Variants in LRP1 observed in about 807,000 individuals in gnomAD.
The protein encoded by LRP1 is LDL receptor related protein 1, also known as prolow-density lipoprotein receptor-related protein 1.
A neutral mutation model predicts 541.5 loss-of-function variants in LRP1; 51 were observed. That is an observed-to-expected ratio of 0.09 (90% CI 0.08 to 0.12). The LOEUF (loss-of-function observed/expected upper bound fraction) is 0.12. Among genes scored for constraint, LRP1 ranks in the 10% least tolerant of loss-of-function variants. The probability of loss-of-function intolerance (pLI) is 1.00; values close to 1 mark genes in which losing one functional copy is unlikely to be tolerated. For missense variants in LRP1, 3,878 were observed against 6,376.2 expected, an observed-to-expected ratio of 0.61 and a Z score of 13.34; for synonymous variants, 2,219 against 2,470.8, an observed-to-expected ratio of 0.90 and a Z score of 3.02.
intron 78 of LRP1, 25 bp from the exon 79 acceptor site, chr12:57,209,058 C>G: frequency 1.3e-6 from 2 of 1,588,654 alleles, no homozygotes; most frequent in Non-Finnish European, 1.7e-6. Context: ...AGGCCAAGCT[C>G]TCACAGTGCT....
chr12:57,132,793 T>C (rs1214604405), intron 1 of LRP1, among the ~76,000 whole-genome samples: 2 of 152,164 alleles, frequency 1.3e-5, no homozygotes, highest in African/African-American at 4.8e-5. Flanking sequence ...TTTACCCCCA[T>C]CCAGGCCTCT....
chr12:57,208,870 G>A (rs2036846319), intron 78 of LRP1, 53 bp downstream of exon 78: 1 of 1,433,978 alleles, frequency 7.0e-7, no homozygotes, highest in Non-Finnish European at 9.8e-7. Flanking sequence ...CCGGCTCGCA[G>A]AGCCCAGCTG....
intron 68 of LRP1, chr12:57,202,755 G>T (rs1388358376): frequency 5.0e-6 from 3 of 597,660 alleles, no homozygotes; most frequent in Non-Finnish European, 9.0e-6. Flanking sequence ...TCCTCTCGGG[G>T]TTGCAGAGGT....
intron 13 of LRP1, among the ~76,000 whole-genome samples, chr12:57,161,821 A>T (rs1351445072): frequency 2.0e-5 from 3 of 152,022 alleles, no homozygotes; most frequent in Non-Finnish European, 4.4e-5. Flanking sequence ...ACACTGGATC[A>T]CCCGTATGTG....
At chr12:57,152,302 C>A (rs762478290) in intron 6 of LRP1, among the ~76,000 whole-genome samples, 1 of 152,040 alleles carries the variant, frequency 6.6e-6, no homozygotes, top group African/African-American at 2.4e-5. Context: ...GAGAGAAGGC[C>A]GGCCGTAGCT....
At chr12:57,134,342 C>T (rs981721001) in intron 1 of LRP1, among the ~76,000 whole-genome samples, 4 of 152,208 alleles carry the variant, frequency 2.6e-5, no homozygotes, top group African/African-American at 7.2e-5. Context: ...CTATGCCCTT[C>T]CCTCCTCTCT....
chr12:57,154,710 G>A lies in LRP1; in HGVS notation c.1227+9G>A, dbSNP rs1256664211. ...TCATCCAGGGCATCCTGGTGAGGGA[G>A]CTACTGTCTGAGGTTTTGTGGGGGA... On this transcript the variant is annotated intron_variant, in intron 8 of 88. Coordinates refer to ENST00000243077, the MANE Select transcript of LRP1 (RefSeq NM_002332.3). This position sits in a 1 kb window ranked among gnomAD's most constrained non-coding sequence, Gnocchi z 4.6. The A allele has an allele frequency of 3.2e-6, 5 of 1,553,156 alleles. No homozygotes were observed. Among genetic ancestry groups the A allele is most frequent in the Non-Finnish European group, 4.4e-6 (5 of 1,147,768 alleles).
intron 1 of LRP1, among the ~76,000 whole-genome samples, chr12:57,134,409 C>T (rs1008192912): frequency 9.2e-5 from 14 of 152,148 alleles, no homozygotes; most frequent in African/African-American, 2.2e-4. Context: ...GGCCAGAGAA[C>T]GACAGCGTTC....
Position 57,156,359 on chromosome 12 carries a change from T to C in LRP1, c.1417+76T>C, listed in dbSNP as rs1444457725. On this transcript the variant is annotated intron_variant, in intron 9 of 88. Coordinates refer to ENST00000243077, the MANE Select transcript of LRP1 (RefSeq NM_002332.3). This position sits in a 1 kb window ranked among gnomAD's most constrained non-coding sequence, Gnocchi z 5.2. Reference sequence around the variant, plus strand: ...TCTGGGACCTTGGGATCACAGCCCCTCTCTGGGCCCTCCTGTGGGGACCCT... The same window carrying C: ...TCTGGGACCTTGGGATCACAGCCCCCCTCTGGGCCCTCCTGTGGGGACCCT... 1 of 1,441,384 alleles carries C rather than the reference T, an allele frequency of 6.9e-7. No homozygotes were observed. The highest frequency in any genetic ancestry group is 1.4e-5 in the African/African-American group (1 of 70,964). 89.3% of individuals were successfully genotyped at this position (1,441,384 alleles called of 1,614,324 possible).
At position 57,138,586 on chromosome 12, in the gene LRP1, G is replaced by A; in HGVS notation, c.190+5G>A. ...CTGACGAGGCCCCTGAGATTTGTAA[G>A]TACCTTTTCTGGATTCTTCTCCCCA... On this transcript the variant is annotated splice_donor_5th_base_variant and intron_variant, in intron 2 of 88. Transcript: ENST00000243077. The A allele has an allele frequency of 6.2e-7, 1 of 1,613,816 alleles. No individual in the cohort carries two copies. Among genetic ancestry groups the A allele is most frequent in the Non-Finnish European group, 8.5e-7 (1 of 1,179,838 alleles).
At chr12:57,174,355 G>C (rs1189730262) in intron 22 of LRP1, among the ~76,000 whole-genome samples, 1 of 152,222 alleles carries the variant, frequency 6.6e-6, no homozygotes, top group African/African-American at 2.4e-5. Context: ...ATACCACAGA[G>C]AGATGCGGAG....
rs141991304 is a variant in LRP1, at chr12:57,205,683, G to A, written c.11590+6G>A. 1.1e-3 allele frequency: 1,759 copies of A among 1,609,094 alleles called. 2 individuals carry two copies. Among genetic ancestry groups the A allele is most frequent in the Non-Finnish European group, 1.3e-3 (1,547 of 1,179,924 alleles). ...CAACACCTGCAAGGCCGAAGGTGCC[G>A]GAGCCACCAGAGGGCAGAAAGGCTG... On this transcript the variant is annotated splice_donor_region_variant and intron_variant, in intron 75 of 88. Transcript: ENST00000243077. This position sits in a 1 kb window ranked among gnomAD's most constrained non-coding sequence, Gnocchi z 4.6.
At chr12:57,180,226 G>A (rs952495287) in intron 31 of LRP1, 85 bp downstream of exon 31, 2 of 1,576,962 alleles carry the variant, frequency 1.3e-6, no homozygotes, top group African/African-American at 2.7e-5. Flanking sequence ...TTGCCCCTCA[G>A]CCTCCCCAGA....
In LRP1 at chr12:57,128,598, A is replaced by G. The variant is rs1335695966; in HGVS notation, c.-367A>G. On this transcript the variant is annotated 5_prime_UTR_variant, in exon 1 of 89. Transcript: ENST00000243077. Reference sequence around the variant, plus strand: ...CTCCAAAGGCTCCCCTACCCGGTCCACGCCCCCCACCCCCCCTCCCCGCCT... The same window carrying G: ...CTCCAAAGGCTCCCCTACCCGGTCCGCGCCCCCCACCCCCCCTCCCCGCCT... The G allele has an allele frequency of 4.9e-6, 2 of 407,818 alleles. No homozygotes were observed. The highest frequency in any genetic ancestry group is 7.0e-5 in the East Asian group (2 of 28,528). The allele number at this position is 407,818 out of a possible 1,614,324, so 25.3% of individuals were successfully genotyped here. A position where few individuals can be genotyped will look rare whatever the true frequency, so the allele number is the denominator to read the frequency against.
In LRP1 at chr12:57,201,168, T is replaced by C; in HGVS notation, c.10345+15T>C. On this transcript the variant is annotated intron_variant, in intron 65 of 88. Transcript: ENST00000243077. This position sits in a 1 kb window ranked among gnomAD's most constrained non-coding sequence, Gnocchi z 6.4. ...GAGGGACTGCCGTGAGTGTCAGAGG[T>C]GGTGGTGGGCCGGTGGTGGGAGATG... 1 of 1,612,928 alleles carries C rather than the reference T, an allele frequency of 6.2e-7. No homozygotes were observed. Among genetic ancestry groups the C allele is most frequent in the Non-Finnish European group, 8.5e-7 (1 of 1,179,352 alleles).
intron 6 of LRP1, chr12:57,149,680 G>T (rs748855876): frequency 1.4e-6 from 1 of 733,066 alleles, no homozygotes; most frequent in Non-Finnish European, 2.5e-6. Flanking sequence ...GGAATCACAG[G>T]CAGGAGCAGG....
intron 60 of LRP1, 85 bp downstream of exon 60, chr12:57,198,755 C>A (rs937063899): frequency 7.0e-6 from 9 of 1,290,664 alleles, no homozygotes; most frequent in Non-Finnish European, 8.6e-6. Flanking sequence ...GTTTTGGGGG[C>A]AAGAGTGGAC....
chr12:57,159,215 G>A (rs1016860103), intron 11 of LRP1, among the ~76,000 whole-genome samples: 10 of 152,136 alleles, frequency 6.6e-5, no homozygotes, highest in Admixed American at 4.6e-4. Flanking sequence ...GGATCAGGCC[G>A]CCTCCCCATC....
At position 57,183,899 on chromosome 12, in the gene LRP1, C is replaced by T. The variant is rs375074699; in HGVS notation, c.5919C>T (p.Asp1973=). The change falls in exon 36 of 89, where the codon GAC becomes GAT. Residue 1973 remains aspartate (D), a synonymous_variant. Transcript: ENST00000243077. This position sits in a 1 kb window ranked among gnomAD's most constrained non-coding sequence, Gnocchi z 6.1. ...GCCGTGTGGAGGGCATTGCAGTGGA[C>T]TGGATCGCAGGTGAGCAGTGGGCAG... ...GIGRVEGIAV[D]WIAGNIYWTD... 6.2e-7 allele frequency: 1 copy of T among 1,613,990 alleles called. No individual in the cohort carries two copies. The highest frequency in any genetic ancestry group is 1.3e-5 in the African/African-American group (1 of 74,902).
Sources: gnomAD v4.1 joint callset for allele counts (sites outside exome capture counted in the v4.1 genomes callset) on GRCh38, gnomAD v4.1.1 for gene constraint, Gnocchi (gnomAD v3.1) non-coding constraint, MANE v1.5 for transcripts, NCBI Gene and HGNC (gene_info 2026-07-23, HGNC 2026-07-21) for gene names.